Variants in LINGO2 observed in about 807,000 individuals in gnomAD.
LINGO2 encodes leucine rich repeat and Ig domain containing 2.
Under a neutral mutation model 30.6 loss-of-function variants are expected in LINGO2, and 14 were observed. The ratio of observed to expected loss-of-function variants is 0.46; its 90% CI spans 0.30 to 0.72. LINGO2 has a LOEUF of 0.72. Among genes scored for constraint, LINGO2 ranks in the 30% least tolerant of loss-of-function variants. The pLI is 0.07. For missense variants in LINGO2, 729 were observed against 751.7 expected, an observed-to-expected ratio of 0.97 and a Z score of 0.35; for synonymous variants, 317 against 288.5, an observed-to-expected ratio of 1.10 and a Z score of -1.00.
At chr9:28,042,601 G>T (rs1228479291) in intron 4 of LINGO2, among the ~76,000 whole-genome samples, 2 of 152,102 alleles carry the variant, frequency 1.3e-5, no homozygotes, top group African/African-American at 2.4e-5. Context: ...ACAAATTCAA[G>T]AGGATATTTT....
the LINGO2 span, among the ~76,000 whole-genome samples, chr9:28,763,401 G>A: frequency 1.3e-4 from 20 of 151,862 alleles, no homozygotes; most frequent in Non-Finnish European, 2.6e-4. Flanking sequence ...AAACATTTAC[G>A]AATATGTGGA....
the LINGO2 span, among the ~76,000 whole-genome samples, chr9:29,209,668 T>C: frequency 6.6e-6 from 1 of 152,178 alleles, no homozygotes; most frequent in Non-Finnish European, 1.5e-5. Flanking sequence ...ATTTAATTTA[T>C]TTTCTTTCAG....
the LINGO2 span, among the ~76,000 whole-genome samples, chr9:28,944,304 T>G: frequency 1.3e-5 from 2 of 152,192 alleles, no homozygotes; most frequent in Non-Finnish European, 2.9e-5. Context: ...TGGCCAGAAC[T>G]TAGACACAAA....
the LINGO2 span, among the ~76,000 whole-genome samples, chr9:28,830,331 G>A: frequency 6.6e-6 from 1 of 152,152 alleles, no homozygotes; most frequent in Non-Finnish European, 1.5e-5. Flanking sequence ...GTGGGGGCCA[G>A]GCAGGGGAGA....
the LINGO2 span, among the ~76,000 whole-genome samples, chr9:29,088,349 C>T: frequency 6.6e-6 from 1 of 152,124 alleles, no homozygotes; most frequent in South Asian, 2.1e-4. Flanking sequence ...CTCACTTCTT[C>T]TATCAGAGAA....
chr9:28,868,900 A>G, the LINGO2 span, among the ~76,000 whole-genome samples: 1 of 152,056 alleles, frequency 6.6e-6, no homozygotes, highest in East Asian at 1.9e-4. Context: ...AACATTTGCA[A>G]TATTTAAGTG....
At chr9:29,183,018 GGCAAAAAACAAT>G in the LINGO2 span, among the ~76,000 whole-genome samples, 1 of 151,960 alleles carries the variant, frequency 6.6e-6, no homozygotes, top group African/African-American at 2.4e-5. Context: ...CCTGCATGTG[GGCAAAAAACAAT>G]GCAAAATAAA....
chr9:28,918,653 T>C, the LINGO2 span, among the ~76,000 whole-genome samples: 1 of 152,186 alleles, frequency 6.6e-6, no homozygotes. Flanking sequence ...TGTATTAAAA[T>C]GGAAACATCA....
intron 3 of LINGO2, among the ~76,000 whole-genome samples, chr9:28,357,326 C>CG (rs1280164500): frequency 7.6e-5 from 11 of 145,414 alleles, no homozygotes; most frequent in African/African-American, 2.8e-4. Context: ...CCCACCCCCC[C>CG]CAAAAAAGAA....
At chr9:28,215,758 A>G (rs1450675968) in intron 4 of LINGO2, among the ~76,000 whole-genome samples, 1 of 151,496 alleles carries the variant, frequency 6.6e-6, no homozygotes, top group Non-Finnish European at 1.5e-5. Context: ...TCATAGAAAC[A>G]CTCTTCATAG....
At chr9:28,417,789 G>T (rs1271125979) in intron 2 of LINGO2, among the ~76,000 whole-genome samples, 1 of 152,054 alleles carries the variant, frequency 6.6e-6, no homozygotes, top group Admixed American at 6.5e-5. Context: ...CATGCTTGTT[G>T]GATCTACTAA....
At chr9:28,103,931 A>G (rs915089725) in intron 4 of LINGO2, among the ~76,000 whole-genome samples, 4 of 152,184 alleles carry the variant, frequency 2.6e-5, no homozygotes, top group Admixed American at 2.0e-4. Flanking sequence ...ATGTTGACTT[A>G]TACCAATCAT....
chr9:27,940,147 T>A, the LINGO2 span: 1 of 152,082 alleles, frequency 6.6e-6, no homozygotes, highest in African/African-American at 2.4e-5. Flanking sequence ...TTTTTTAAAT[T>A]TTCTTATTTT....
the LINGO2 span, among the ~76,000 whole-genome samples, chr9:28,743,247 C>T: frequency 6.6e-6 from 1 of 151,848 alleles, no homozygotes; most frequent in African/African-American, 2.4e-5. Flanking sequence ...AGGTTTGTTA[C>T]ATAGGTATAC....
intron 5 of LINGO2, among the ~76,000 whole-genome samples, chr9:28,005,034 G>A (rs1461533823): frequency 1.3e-5 from 2 of 152,206 alleles, no homozygotes; most frequent in African/African-American, 2.4e-5. Context: ...GAGGGGAAAT[G>A]TCCCTGATAC....
chr9:28,022,608 T>C (rs1823185873), intron 4 of LINGO2, among the ~76,000 whole-genome samples: 1 of 152,070 alleles, frequency 6.6e-6, no homozygotes, highest in South Asian at 2.1e-4. Context: ...GTTTAAATAT[T>C]TTTTATTTCA....
At chr9:28,091,323 G>T (rs1826078542) in intron 4 of LINGO2, among the ~76,000 whole-genome samples, 1 of 152,112 alleles carries the variant, frequency 6.6e-6, no homozygotes, top group South Asian at 2.1e-4. Flanking sequence ...TATACTAGAA[G>T]GCTACAGTAA....
Position 28,487,097 on chromosome 9 carries a change from C to T in LINGO2, c.-364-11072G>A, listed in dbSNP as rs142267321. ...AGCTCTGCTTGGATGGAAGAAAGCC[C>T]ATATAAAGTTACAGTTCCTCACTAA... On this transcript the variant is annotated intron_variant, in intron 1 of 5. Transcript: ENST00000379992. 4.8e-3 allele frequency among the ~76,000 whole-genome samples: 724 copies of T among 152,098 alleles called. 5 individuals are homozygous for T. Among genetic ancestry groups the T allele is most frequent in the African/African-American group, 0.016 (684 of 41,508 alleles).
At chr9:28,384,049 A>G (rs10812792) in intron 2 of LINGO2, among the ~76,000 whole-genome samples, 16,929 of 152,100 alleles carry the variant, frequency 0.11, 998 homozygotes, top group East Asian at 0.2. Flanking sequence ...ACAATACAAC[A>G]TATGTGAACA....
Sources: allele counts gnomAD v4.1 joint callset (sites outside exome capture counted in the v4.1 genomes callset), GRCh38; gene constraint gnomAD v4.1.1; transcripts MANE v1.5; gene names NCBI Gene and HGNC (gene_info 2026-07-23, HGNC 2026-07-21).